The following CD247 variants were observed in gnomAD, a reference collection of about 807,000 sequenced individuals.
CD247 encodes T-cell surface glycoprotein CD3 zeta chain.
CD247 carries 13 observed loss-of-function variants against 30.0 expected under a neutral mutation model. The observed-to-expected ratio is 0.43, with a 90% CI of 0.28 to 0.69. The LOEUF (loss-of-function observed/expected upper bound fraction) is 0.69, where lower values mean the gene tolerates loss of function less well. Ranked by LOEUF, CD247 falls within the 30% of genes least tolerant of loss-of-function variation. CD247 has a pLI of 0.16. For synonymous variants in CD247, 72 were observed against 80.0 expected, an observed-to-expected ratio of 0.90 and a Z score of 0.53; for missense variants, 193 against 212.6, an observed-to-expected ratio of 0.91 and a Z score of 0.57.
chr1:167,487,111 G>T (rs1654242560), intron 1 of CD247, among the ~76,000 whole-genome samples: 1 of 148,548 alleles, frequency 6.7e-6, no homozygotes, highest in Non-Finnish European at 1.5e-5. Flanking sequence ...GGGTGTGATG[G>T]TTCACATCTA....
chr1:167,467,179 G>A (rs1295496084), intron 1 of CD247, among the ~76,000 whole-genome samples: 1 of 152,206 alleles, frequency 6.6e-6, no homozygotes, highest in African/African-American at 2.4e-5. Context: ...AGGAGGCAAC[G>A]GAAGATTTAT....
intron 1 of CD247, among the ~76,000 whole-genome samples, chr1:167,483,314 C>A (rs1357202438): frequency 6.6e-6 from 1 of 151,852 alleles, no homozygotes; most frequent in African/African-American, 2.4e-5. Context: ...AGTGAGCTAA[C>A]CAATATGCTA....
At position 167,435,324 on chromosome 1, in the gene CD247, A is replaced by T. The variant is rs572568487; in HGVS notation, c.336+75T>A. ...GGAGCCCTCCTCCAGCCCTTCCTCCAGCCCTTCCTCTGGAGCCCTCCTCCA... is the reference window on the plus strand; with the variant it reads ...GGAGCCCTCCTCCAGCCCTTCCTCCTGCCCTTCCTCTGGAGCCCTCCTCCA... On this transcript the variant is annotated intron_variant, in intron 5 of 7. Transcript: ENST00000362089. The T allele has an allele frequency of 3.4e-5, 36 of 1,052,754 alleles. No homozygotes were observed. In the African/African-American group the frequency reaches 5.4e-4, roughly 16 times the overall value. 65.2% of individuals were successfully genotyped at this position (1,052,754 alleles called of 1,614,324 possible). A position where few individuals can be genotyped will look rare whatever the true frequency, so the allele number is the denominator to read the frequency against.
At position 167,490,290 on chromosome 1, in the gene CD247, T is replaced by G. The variant is rs141494911; in HGVS notation, c.58+28118A>C. On this transcript the variant is annotated intron_variant, in intron 1 of 7. Coordinates refer to ENST00000362089, the MANE Select transcript of CD247 (RefSeq NM_198053.3). Reference sequence around the variant, plus strand: ...ATCTTTCTTAATTTTTCTTCTCTCATTCTTTCTATCTTCCCCTCTCTATCT... The same window carrying G: ...ATCTTTCTTAATTTTTCTTCTCTCAGTCTTTCTATCTTCCCCTCTCTATCT... 2.8e-4 allele frequency among the ~76,000 whole-genome samples: 43 copies of G among 152,318 alleles called. No homozygotes were observed. In the East Asian group the frequency reaches 8.3e-3, roughly 29 times the overall value.
intron 1 of CD247, among the ~76,000 whole-genome samples, chr1:167,462,917 T>C (rs1475170802): frequency 1.3e-5 from 2 of 152,238 alleles, no homozygotes; most frequent in Admixed American, 6.5e-5. Flanking sequence ...CCTTATTTTT[T>C]TCTCCATCAT....
intron 1 of CD247, among the ~76,000 whole-genome samples, chr1:167,515,877 A>G (rs1236748269): frequency 6.6e-5 from 10 of 152,258 alleles, no homozygotes; most frequent in Admixed American, 5.9e-4. Flanking sequence ...TAGTAAATAC[A>G]ATGTTTACTT....
chr1:167,456,215 A>G (rs1435815468), intron 1 of CD247, among the ~76,000 whole-genome samples: 2 of 152,138 alleles, frequency 1.3e-5, no homozygotes, highest in Non-Finnish European at 2.9e-5. Context: ...CTTCCCTTCT[A>G]GAGTGGGACA....
intron 3 of CD247, 142 bp from the exon 4 acceptor site, chr1:167,438,792 C>A: frequency 1.4e-6 from 1 of 734,638 alleles, no homozygotes; most frequent in Non-Finnish European, 2.5e-6. Context: ...GGTAACTGGT[C>A]CATCTGGAGA....
chr1:167,448,511 G>A, intron 1 of CD247: 1 of 985,340 alleles, frequency 1.0e-6, no homozygotes, highest in Non-Finnish European at 1.2e-6. Context: ...AGATACAGAA[G>A]GCCTGCTACC....
At chr1:167,517,231 C>T (rs1040647599) in intron 1 of CD247, among the ~76,000 whole-genome samples, 3 of 152,196 alleles carry the variant, frequency 2.0e-5, no homozygotes, top group Non-Finnish European at 4.4e-5. Flanking sequence ...CAGAATCCCC[C>T]GAGGCGCTGG....
chr1:167,518,258 C>G (rs979717421), intron 1 of CD247, 150 bp downstream of exon 1: 1 of 752,124 alleles, frequency 1.3e-6, no homozygotes, highest in Non-Finnish European at 2.3e-6. Context: ...CCGGGCCGGA[C>G]CCCTCACTGC....
intron 1 of CD247, among the ~76,000 whole-genome samples, chr1:167,506,245 C>CTTTTCCTTTT (rs1491102013): frequency 1.1e-4 from 3 of 26,138 alleles, no homozygotes; most frequent in Admixed American, 1.0e-3. Context: ...CTTTTCTTTT[C>CTTTTCCTTTT]CTTTTCTTTT....
At chr1:167,515,470 A>C (rs1435956525) in intron 1 of CD247, among the ~76,000 whole-genome samples, 1 of 152,240 alleles carries the variant, frequency 6.6e-6, no homozygotes, top group African/African-American at 2.4e-5. Flanking sequence ...GAGAAGTAAA[A>C]AAATCCAGCC....
intron 1 of CD247, among the ~76,000 whole-genome samples, chr1:167,514,838 G>A (rs192950831): frequency 6.6e-6 from 1 of 152,300 alleles, no homozygotes; most frequent in Admixed American, 6.5e-5. Context: ...TAATCTAAGA[G>A]AGTTCCCTCA....
chr1:167,493,175 T>TGGGATTACA (rs922106862), intron 1 of CD247, among the ~76,000 whole-genome samples: 3 of 151,718 alleles, frequency 2.0e-5, no homozygotes, highest in African/African-American at 7.3e-5. Context: ...CCTGAGTAGT[T>TGGGATTACA]GGGATTACAG....
At chr1:167,444,311 C>T (rs1356184620) in intron 1 of CD247, among the ~76,000 whole-genome samples, 3 of 152,214 alleles carry the variant, frequency 2.0e-5, no homozygotes, top group Non-Finnish European at 2.9e-5. Flanking sequence ...TCAAAGGCAC[C>T]GCATCGCCAC....
At chr1:167,436,309 T>A (rs1651542357) in intron 4 of CD247, among the ~76,000 whole-genome samples, 1 of 152,216 alleles carries the variant, frequency 6.6e-6, no homozygotes, top group Non-Finnish European at 1.5e-5. Context: ...AGAAGGAATG[T>A]GCCTCCACAC....
Position 167,443,528 on chromosome 1 carries a change from G to A in CD247, c.59-2761C>T, listed in dbSNP as rs184178335. The stretch of plus-strand genomic sequence containing the variant: ...ACCGTGGCGATTTATGGGACTGGTT[G>A]AGACTCAGAAGAAAATCCAGGAGAA... On this transcript the variant is annotated intron_variant, in intron 1 of 7. Transcript: ENST00000362089. 3.9e-5 allele frequency among the ~76,000 whole-genome samples: 6 copies of A among 152,356 alleles called. No homozygotes were observed. In the East Asian group the frequency reaches 1.2e-3, roughly 29 times the overall value.
intron 1 of CD247, among the ~76,000 whole-genome samples, chr1:167,517,882 C>G (rs151125660): frequency 1.3e-5 from 2 of 152,324 alleles, no homozygotes; most frequent in East Asian, 3.9e-4. Context: ...TTGGTTACCC[C>G]ACTTACTCCC....
Sources: gnomAD v4.1 joint callset for allele counts (sites outside exome capture counted in the v4.1 genomes callset) on GRCh38, gnomAD v4.1.1 for gene constraint, MANE v1.5 for transcripts, NCBI Gene and HGNC (gene_info 2026-07-23, HGNC 2026-07-21) for gene names.